IL1RL1: variants seen among roughly 807,000 people sequenced by gnomAD.
The protein encoded by IL1RL1 is interleukin 1 receptor like 1.
IL1RL1 carries 32 observed loss-of-function variants against 50.9 expected under a neutral mutation model. The observed-to-expected ratio is 0.63, with a 90% CI of 0.47 to 0.84. The LOEUF is 0.84. Among genes scored for constraint, IL1RL1 ranks in the 40% least tolerant of loss-of-function variants. The probability of loss-of-function intolerance (pLI) is 0.00; values close to 1 mark genes in which losing one functional copy is unlikely to be tolerated. For synonymous variants in IL1RL1, 275 were observed against 236.0 expected (o/e 1.17, Z -1.51); for missense variants, 773 against 662.9 (o/e 1.17, Z -1.82).
intron 1 of IL1RL1, among the ~76,000 whole-genome samples, chr2:102,329,697 T>C (rs899307349): frequency 2.6e-5 from 4 of 152,198 alleles, no homozygotes; most frequent in Non-Finnish European, 5.9e-5. Flanking sequence ...CAGACACTTC[T>C]CAAAATAAGA....
At chr2:102,349,280 T>C (rs1267035825) in intron 10 of IL1RL1, 34 bp downstream of exon 10, 1 of 1,586,170 alleles carries the variant, frequency 6.3e-7, no homozygotes, top group Non-Finnish European at 8.7e-7. Context: ...GGACAGAAAT[T>C]CATGCTTATT....
chr2:102,349,954 G>A (rs1007379461), intron 10 of IL1RL1, among the ~76,000 whole-genome samples: 1 of 152,108 alleles, frequency 6.6e-6, no homozygotes, highest in Non-Finnish European at 1.5e-5. Flanking sequence ...TAAAGTAAAT[G>A]TTCAGTTTTA....
intron 1 of IL1RL1, among the ~76,000 whole-genome samples, chr2:102,312,442 T>C (rs913632986): frequency 3.9e-5 from 6 of 151,992 alleles, no homozygotes; most frequent in Non-Finnish European, 8.8e-5. Context: ...GGAAAAGACC[T>C]GGTTGAGGGT....
In IL1RL1 at chr2:102,338,475, CA is replaced by C. The variant is rs2104983620; in HGVS notation, c.61+153del. The C allele has an allele frequency of 7.3e-6, 4 of 544,604 alleles. No homozygotes were observed. In the South Asian group the frequency reaches 8.5e-5, roughly 12 times the overall value. The allele number at this position is 544,604 out of a possible 1,614,324, so 33.7% of individuals were successfully genotyped here. On this transcript the variant is annotated intron_variant, in intron 2 of 10. Transcript: ENST00000233954. ...GCTTTTGTACAATCATTTTTCATTACAAATCTATCAGAAGAAATTCTTTGTA... is the reference window on the plus strand; with the variant it reads ...GCTTTTGTACAATCATTTTTCATTACAATCTATCAGAAGAAATTCTTTGTA...
intron 1 of IL1RL1, among the ~76,000 whole-genome samples, chr2:102,312,050 A>G (rs1220993200): frequency 3.4e-5 from 3 of 88,782 alleles, no homozygotes; most frequent in African/African-American, 9.1e-5. Flanking sequence ...TATTATATAT[A>G]TAATATATAT....
chr2:102,323,277 T>TATATATATATATATATATA (rs1559596439), intron 1 of IL1RL1, among the ~76,000 whole-genome samples: 2 of 33,874 alleles, frequency 5.9e-5, no homozygotes, highest in Admixed American at 4.0e-4. Context: ...ATATATAGTG[T>TATATATATATATATATATA]GTGTGTGTGT....
chr2:102,329,458 G>A (rs1203513096), intron 1 of IL1RL1, among the ~76,000 whole-genome samples: 1 of 152,146 alleles, frequency 6.6e-6, no homozygotes, highest in Non-Finnish European at 1.5e-5. Flanking sequence ...AACACCAAAA[G>A]CAATGGCAAC....
At chr2:102,328,307 C>A (rs924816804) in intron 1 of IL1RL1, among the ~76,000 whole-genome samples, 54 of 152,008 alleles carry the variant, frequency 3.6e-4, no homozygotes, top group Non-Finnish European at 6.0e-4. Context: ...ATTCAACAAC[C>A]CTTCATGCTA....
intron 1 of IL1RL1, among the ~76,000 whole-genome samples, chr2:102,311,978 A>AT (rs1293866183): frequency 0.018 from 658 of 36,648 alleles, 28 homozygotes; most frequent in African/African-American, 0.1. Flanking sequence ...AATATTATAT[A>AT]TAATATATAT....
At chr2:102,341,384 T>C in intron 5 of IL1RL1, 1 of 1,106,378 alleles carries the variant, frequency 9.0e-7, no homozygotes, top group South Asian at 1.9e-5. Context: ...TAAAAATGTG[T>C]TTTCCAAGTT....
In IL1RL1 at chr2:102,351,647, T is replaced by G. The variant is rs756323405; in HGVS notation, c.1397T>G (p.Leu466Arg). The G allele has an allele frequency of 6.2e-7, 1 of 1,614,146 alleles. No individual in the cohort carries two copies. Among genetic ancestry groups the G allele is most frequent in the African/African-American group, 1.3e-5 (1 of 75,046 alleles). Residue 466 changes from leucine (L) to arginine (R), a missense_variant, in exon 11 of 11, where the codon CTG becomes CGG. Leu to Arg is a moderately radical substitution (Grantham distance 102, BLOSUM62 -2). Transcript: ENST00000233954. ...TTTGCCTACGAGCAGGAGGTTGCCC[T>G]GCACTGTGCCCTCATCCAGAACGAC... ...KEFAYEQEVA[L>R]HCALIQNDAK... is the part of the protein sequence containing the mutation.
chr2:102,348,489 G>C (rs980402776), intron 9 of IL1RL1, among the ~76,000 whole-genome samples: 2 of 152,210 alleles, frequency 1.3e-5, no homozygotes, highest in Non-Finnish European at 2.9e-5. Context: ...CGGAATGCAT[G>C]TGTGTTCTAC....
intron 1 of IL1RL1, among the ~76,000 whole-genome samples, chr2:102,328,751 GA>G (rs1453148076): frequency 6.6e-6 from 1 of 152,150 alleles, no homozygotes; most frequent in Non-Finnish European, 1.5e-5. Context: ...TGCTTCAAGA[GA>G]ATGAAATACC....
chr2:102,336,392 C>G (rs1406755588), intron 1 of IL1RL1, among the ~76,000 whole-genome samples: 1 of 152,150 alleles, frequency 6.6e-6, no homozygotes, highest in Admixed American at 6.5e-5. Flanking sequence ...TAGACTGTGT[C>G]TGGCATAGAG....
intron 1 of IL1RL1, among the ~76,000 whole-genome samples, chr2:102,326,461 T>C (rs56403447): frequency 0.52 from 78,780 of 150,372 alleles, 20,840 homozygotes; most frequent in Middle Eastern, 0.65. Flanking sequence ...GCAAAATAAA[T>C]AGCAAACATC....
At chr2:102,324,065 T>C (rs1676920239) in intron 1 of IL1RL1, among the ~76,000 whole-genome samples, 4 of 150,816 alleles carry the variant, frequency 2.7e-5, no homozygotes, top group Non-Finnish European at 5.9e-5. Flanking sequence ...TAGAATAGTT[T>C]AGCCATATAT....
chr2:102,319,838 G>A (rs1676786611), intron 1 of IL1RL1, among the ~76,000 whole-genome samples: 1 of 152,058 alleles, frequency 6.6e-6, no homozygotes, highest in Admixed American at 6.5e-5. Flanking sequence ...ATGGGCATGT[G>A]CCATCATGGC....
At position 102,349,069 on chromosome 2, in the gene IL1RL1, T is replaced by A. The variant is rs756799288; in HGVS notation, c.1118-10T>A. On this transcript the variant is annotated splice_polypyrimidine_tract_variant and intron_variant, in intron 9 of 10. Coordinates refer to ENST00000233954, the MANE Select transcript of IL1RL1 (RefSeq NM_016232.5). ...AAGTAAGAAGTTGTACTTCTTGTTT[T>A]CATTTTCAGATGGAAAGCTCTATGA... 1 of 1,610,648 alleles carries A rather than the reference T, an allele frequency of 6.2e-7. No homozygotes were observed. Among genetic ancestry groups the A allele is most frequent in the Non-Finnish European group, 8.5e-7 (1 of 1,177,156 alleles).
intron 1 of IL1RL1, among the ~76,000 whole-genome samples, chr2:102,333,634 T>C (rs774993073): frequency 1.2e-4 from 19 of 152,182 alleles, no homozygotes; most frequent in Admixed American, 6.5e-5. Context: ...CTAAGGTACA[T>C]GTACTTGTTT....
Sources: allele counts gnomAD v4.1 joint callset (sites outside exome capture counted in the v4.1 genomes callset), GRCh38; gene constraint gnomAD v4.1.1; transcripts MANE v1.5; gene names NCBI Gene and HGNC (gene_info 2026-07-23, HGNC 2026-07-21).